QKI: variants seen among roughly 807,000 people sequenced by gnomAD.
The protein encoded by QKI is KH domain-containing RNA-binding protein QKI.
A neutral mutation model predicts 39.0 loss-of-function variants in QKI; 10 were observed. The ratio of observed to expected loss-of-function variants is 0.26; its 90% CI spans 0.16 to 0.43. The LOEUF (loss-of-function observed/expected upper bound fraction) is 0.43. Ranked by LOEUF, QKI falls within the 20% of genes least tolerant of loss-of-function variation. QKI has a pLI of 1.00. For synonymous variants in QKI, 204 were observed against 155.4 expected (o/e 1.31, Z -2.33); for missense variants, 218 against 428.0 (o/e 0.51, Z 4.33).
intron 1 of QKI, among the ~76,000 whole-genome samples, chr6:163,442,202 C>T (rs555654777): frequency 6.6e-5 from 10 of 152,112 alleles, no homozygotes; most frequent in Non-Finnish European, 1.2e-4. Flanking sequence ...TAAAACTGAC[C>T]TTTTCAGTAA....
intron 1 of QKI, among the ~76,000 whole-genome samples, chr6:163,437,755 G>A (rs888252297): frequency 2.0e-5 from 3 of 152,106 alleles, no homozygotes; most frequent in African/African-American, 4.8e-5. Flanking sequence ...TTACGGTAAT[G>A]CAAATATACC....
At chr6:163,551,861 A>C (rs1319373735) in intron 4 of QKI, among the ~76,000 whole-genome samples, 1 of 152,218 alleles carries the variant, frequency 6.6e-6, no homozygotes, top group Non-Finnish European at 1.5e-5. Context: ...TTCATGGGTA[A>C]GTTTAATACT....
intron 3 of QKI, among the ~76,000 whole-genome samples, chr6:163,501,721 A>G (rs1352507001): frequency 6.6e-6 from 1 of 152,186 alleles, no homozygotes. Context: ...TTTTGGTGAT[A>G]AGGGATTGTG....
intron 4 of QKI, among the ~76,000 whole-genome samples, chr6:163,535,434 C>A (rs190618402): frequency 2.6e-5 from 4 of 152,132 alleles, no homozygotes; most frequent in African/African-American, 9.6e-5. Context: ...CCCATCTCTT[C>A]CCTCTGCCCC....
At chr6:163,431,850 T>G (rs1788861369) in intron 1 of QKI, among the ~76,000 whole-genome samples, 1 of 148,402 alleles carries the variant, frequency 6.7e-6, no homozygotes, top group Non-Finnish European at 1.5e-5. Context: ...AAAAAAACCC[T>G]GTAATTCTGC....
intron 1 of QKI, among the ~76,000 whole-genome samples, chr6:163,453,771 T>C (rs1254646829): frequency 2.0e-5 from 3 of 152,158 alleles, no homozygotes; most frequent in African/African-American, 7.2e-5. Flanking sequence ...AGAAAAGCAT[T>C]TCGTAAGCTT....
At chr6:163,516,033 A>G (rs1181814450) in intron 3 of QKI, among the ~76,000 whole-genome samples, 1 of 152,154 alleles carries the variant, frequency 6.6e-6, no homozygotes, top group Non-Finnish European at 1.5e-5. Flanking sequence ...ATTATTTTTA[A>G]AGAGAATACC....
rs1783932954 is a variant in QKI, at chr6:163,575,517, T to C, written c.*4807T>C. On this transcript the variant is annotated 3_prime_UTR_variant, in exon 8 of 8. Coordinates refer to ENST00000361752, the MANE Select transcript of QKI (RefSeq NM_006775.3). ...GAAAGCTGAGCTTTCAGTCAAGAAG[T>C]TGGTGAAATTAATGTCCTTAAACTT... 1 of 152,096 alleles carries C rather than the reference T, an allele frequency of 6.6e-6. No homozygotes were observed. Among genetic ancestry groups the C allele is most frequent in the South Asian group, 2.1e-4 (1 of 4,828 alleles). The allele number at this position is 152,096 out of a possible 1,614,324, so 9.4% of individuals were successfully genotyped here. A position where few individuals can be genotyped will look rare whatever the true frequency, so the allele number is the denominator to read the frequency against.
At chr6:163,475,268 C>T (rs1792497902) in intron 2 of QKI, among the ~76,000 whole-genome samples, 1 of 152,148 alleles carries the variant, frequency 6.6e-6, no homozygotes. Flanking sequence ...TCTGTGGATT[C>T]AACCAACCTA....
chr6:163,549,133 G>A (rs146661208), intron 4 of QKI, among the ~76,000 whole-genome samples: 98 of 152,230 alleles, frequency 6.4e-4, no homozygotes, highest in African/African-American at 2.2e-3. Flanking sequence ...TTCACAGGGC[G>A]GCAGGAAAGA....
At chr6:163,502,501 T>C (rs1194587731) in intron 3 of QKI, among the ~76,000 whole-genome samples, 1 of 152,124 alleles carries the variant, frequency 6.6e-6, no homozygotes, top group Non-Finnish European at 1.5e-5. Flanking sequence ...GAGAGCAAGT[T>C]CAACCTGGAC....
At chr6:163,461,788 G>C (rs539453434) in intron 2 of QKI, among the ~76,000 whole-genome samples, 1 of 152,202 alleles carries the variant, frequency 6.6e-6, no homozygotes, top group South Asian at 2.1e-4. Flanking sequence ...CAGTGTCTCC[G>C]GGAGTAAAAT....
In QKI at chr6:163,535,576, CATTA is replaced by C. The variant is rs1295321988; in HGVS notation, c.546+455_546+458del. Among the ~76,000 whole-genome samples the C allele has an allele frequency of 4.0e-5, 6 of 151,176 alleles. No individual in the cohort carries two copies. In the East Asian group the frequency reaches 1.2e-3, roughly 29 times the overall value. On this transcript the variant is annotated intron_variant, in intron 4 of 7. Coordinates refer to ENST00000361752, the MANE Select transcript of QKI (RefSeq NM_006775.3). ...AAAATAAATTACTGGTTTTCTGGGC[CATTA>C]ATTTTTTTTTCTTATATTAGTAAAA...
In QKI at chr6:163,574,955, T is replaced by C. The variant is rs1412852323; in HGVS notation, c.*4245T>C. Reference sequence around the variant, plus strand: ...TCCAGGTATTCTCATTTCATAAATATGTATACACACATATAAATACACAGA... The same window carrying C: ...TCCAGGTATTCTCATTTCATAAATACGTATACACACATATAAATACACAGA... On this transcript the variant is annotated 3_prime_UTR_variant, in exon 8 of 8. Coordinates refer to ENST00000361752, the MANE Select transcript of QKI (RefSeq NM_006775.3). 1 of 152,220 alleles carries C rather than the reference T, an allele frequency of 6.6e-6. No homozygotes were observed. Among genetic ancestry groups the C allele is most frequent in the African/African-American group, 2.4e-5 (1 of 41,458 alleles). 9.4% of individuals were successfully genotyped at this position (152,220 alleles called of 1,614,324 possible).
intron 2 of QKI, among the ~76,000 whole-genome samples, chr6:163,465,785 A>G (rs1398589789): frequency 1.3e-5 from 2 of 152,164 alleles, no homozygotes; most frequent in East Asian, 3.8e-4. Flanking sequence ...ATCAACATAC[A>G]AAAATCAGTT....
At position 163,566,615 on chromosome 6, in the gene QKI, G is replaced by A. The variant is rs1435977386; in HGVS notation, c.935-106G>A. On this transcript the variant is annotated intron_variant, in intron 6 of 7. Coordinates refer to ENST00000361752, the MANE Select transcript of QKI (RefSeq NM_006775.3). The stretch of plus-strand genomic sequence containing the variant: ...GCCTTAACGTGTTTCTTAAACTTTT[G>A]TAGTAAATGAACATTTGAAATCCAT... The A allele has an allele frequency of 3.2e-6, 5 of 1,543,598 alleles. No individual in the cohort carries two copies. The African/African-American group carries it at 5.5e-5, about 17-fold the overall frequency.
chr6:163,534,722 G>A (rs570754052), intron 3 of QKI, among the ~76,000 whole-genome samples: 3 of 152,254 alleles, frequency 2.0e-5, no homozygotes, highest in East Asian at 3.9e-4. Context: ...GCACGCTTGG[G>A]GCTGATCTTT....
At chr6:163,419,091 A>G (rs968782222) in intron 1 of QKI, among the ~76,000 whole-genome samples, 3 of 151,992 alleles carry the variant, frequency 2.0e-5, no homozygotes, top group Admixed American at 6.5e-5. Context: ...TTGAAAATAT[A>G]TTTTCATTTT....
chr6:163,492,651 A>C (rs955477472), intron 3 of QKI, among the ~76,000 whole-genome samples: 4 of 152,170 alleles, frequency 2.6e-5, no homozygotes, highest in Non-Finnish European at 4.4e-5. Flanking sequence ...AATAGAAAAA[A>C]ATTTTCTTAA....
Sources: allele counts gnomAD v4.1 joint callset (sites outside exome capture counted in the v4.1 genomes callset), GRCh38; gene constraint gnomAD v4.1.1; transcripts MANE v1.5; gene names NCBI Gene and HGNC (gene_info 2026-07-23, HGNC 2026-07-21).